The following ALK variants were observed in gnomAD, a reference collection of about 807,000 sequenced individuals.
ALK encodes ALK tyrosine kinase receptor.
A neutral mutation model predicts 163.1 loss-of-function variants in ALK; 74 were observed. The observed-to-expected ratio is 0.45, with a 90% CI of 0.38 to 0.55. The LOEUF is 0.55. ALK is among the 20% of genes least tolerant of loss of function. ALK has a pLI of 0.00. For missense variants in ALK, 2,063 were observed against 2,105.3 expected (o/e 0.98, Z 0.39); for synonymous variants, 960 against 843.2 (o/e 1.14, Z -2.40).
At chr2:29,750,693 A>C (rs57515167) in intron 1 of ALK, among the ~76,000 whole-genome samples, 13,600 of 98,606 alleles carry the variant, frequency 0.14, 1,717 homozygotes, top group African/African-American at 0.35. Context: ...GGAAGGAAGG[A>C]AGGAAGGCAG....
intron 3 of ALK, among the ~76,000 whole-genome samples, chr2:29,585,330 A>G (rs1674850491): frequency 6.9e-6 from 1 of 145,982 alleles, no homozygotes; most frequent in Non-Finnish European, 1.5e-5. Context: ...GTCAGCTATT[A>G]TTACTATTTT....
chr2:29,763,521 T>C (rs1056384832), intron 1 of ALK, among the ~76,000 whole-genome samples: 9 of 152,124 alleles, frequency 5.9e-5, no homozygotes, highest in African/African-American at 1.7e-4. Flanking sequence ...GAGTGCCTCA[T>C]AAATCAGGAA....
chr2:29,791,566 G>A (rs991852626), intron 1 of ALK, among the ~76,000 whole-genome samples: 4 of 152,062 alleles, frequency 2.6e-5, no homozygotes, highest in African/African-American at 9.7e-5. Context: ...ACCATGGCAT[G>A]TGTATACCTA....
At chr2:29,451,852 C>G in intron 4 of ALK, among the ~76,000 whole-genome samples, 1 of 152,144 alleles carries the variant, frequency 6.6e-6, no homozygotes, top group East Asian at 1.9e-4. Context: ...CACACGCAGC[C>G]ACGCTGTCCA....
chr2:29,793,146 C>T (rs1213751461), intron 1 of ALK, among the ~76,000 whole-genome samples: 1 of 152,158 alleles, frequency 6.6e-6, no homozygotes, highest in African/African-American at 2.4e-5. Flanking sequence ...ACAATGTTCA[C>T]AGCATCTTTA....
chr2:29,445,277 T>C (rs1018415341), intron 4 of ALK, among the ~76,000 whole-genome samples: 1 of 152,204 alleles, frequency 6.6e-6, no homozygotes, highest in African/African-American at 2.4e-5. Context: ...AAAGGTCCCA[T>C]GGAGATGCAC....
chr2:29,669,989 C>A (rs1677632842), intron 3 of ALK, among the ~76,000 whole-genome samples: 1 of 151,950 alleles, frequency 6.6e-6, no homozygotes, highest in Non-Finnish European at 1.5e-5. Flanking sequence ...GTTGCTGTAG[C>A]TATTATTGTT....
chr2:29,258,991 CACAT>C lies in ALK; in HGVS notation c.2042-7728_2042-7725del, dbSNP rs61635536. On this transcript the variant is annotated intron_variant, in intron 11 of 28. Coordinates refer to ENST00000389048, the MANE Select transcript of ALK (RefSeq NM_004304.5). ...TATAAACATACATCTATATGAAATA[CACAT>C]ACATATGTATATCACAAGGTACATC... Among the ~76,000 whole-genome samples the C allele has an allele frequency of 9.3e-3, 1,414 of 152,202 alleles. 42 individuals carry two copies. The East Asian group carries it at 0.11, about 12-fold the overall frequency.
At chr2:29,667,226 G>A (rs933567809) in intron 3 of ALK, among the ~76,000 whole-genome samples, 4 of 151,984 alleles carry the variant, frequency 2.6e-5, no homozygotes, top group Admixed American at 2.6e-4. Flanking sequence ...ACATATAGTA[G>A]TTTTATTTTC....
At chr2:29,590,915 C>T (rs1267745908) in intron 3 of ALK, among the ~76,000 whole-genome samples, 1 of 151,198 alleles carries the variant, frequency 6.6e-6, no homozygotes, top group African/African-American at 2.4e-5. Flanking sequence ...ACTAAAAATA[C>T]AAAAAATTAG....
At chr2:29,386,271 G>A (rs991481578) in intron 4 of ALK, among the ~76,000 whole-genome samples, 1 of 152,170 alleles carries the variant, frequency 6.6e-6, no homozygotes, top group African/African-American at 2.4e-5. Context: ...CACAATAGAT[G>A]CTGTAGAAGG....
intron 12 of ALK, among the ~76,000 whole-genome samples, chr2:29,244,232 TC>T (rs1664595239): frequency 1.3e-5 from 2 of 152,154 alleles, no homozygotes; most frequent in African/African-American, 4.8e-5. Flanking sequence ...TGCCTTTAAC[TC>T]CCCGTGGGAT....
At chr2:29,834,302 G>A (rs139518436) in intron 1 of ALK, among the ~76,000 whole-genome samples, 5 of 152,170 alleles carry the variant, frequency 3.3e-5, no homozygotes, top group African/African-American at 1.2e-4. Context: ...GAAAAAAAGT[G>A]AAAAATTCAG....
chr2:29,300,072 C>T (rs1666322203), intron 8 of ALK, among the ~76,000 whole-genome samples: 1 of 152,138 alleles, frequency 6.6e-6, no homozygotes, highest in Non-Finnish European at 1.5e-5. Flanking sequence ...CCAGAGTTTG[C>T]TGGGGCAGAA....
intron 1 of ALK, among the ~76,000 whole-genome samples, chr2:29,893,089 G>A (rs932259758): frequency 6.6e-6 from 1 of 152,136 alleles, no homozygotes; most frequent in Admixed American, 6.6e-5. Context: ...CACTCCTGAT[G>A]TGCTGTTGTC....
At chr2:29,261,408 G>A (rs962786989) in intron 11 of ALK, among the ~76,000 whole-genome samples, 2 of 151,790 alleles carry the variant, frequency 1.3e-5, no homozygotes, top group Non-Finnish European at 2.9e-5. Context: ...AAACTATGCT[G>A]TTACCACCAT....
At chr2:29,420,156 T>A (rs1329088357) in intron 4 of ALK, among the ~76,000 whole-genome samples, 6 of 108,762 alleles carry the variant, frequency 5.5e-5, no homozygotes, top group Non-Finnish European at 8.8e-5. Flanking sequence ...GACCCTGTCT[T>A]AAAAAAAAAA....
At chr2:29,336,904 G>A (rs564603545) in intron 5 of ALK, among the ~76,000 whole-genome samples, 31 of 152,282 alleles carry the variant, frequency 2.0e-4, no homozygotes, top group African/African-American at 7.2e-4. Flanking sequence ...TCAGTGAGAA[G>A]GGGGTCTTGC....
chr2:29,435,113 T>C (rs1470032697), intron 4 of ALK, among the ~76,000 whole-genome samples: 2 of 152,178 alleles, frequency 1.3e-5, no homozygotes, highest in Non-Finnish European at 2.9e-5. Flanking sequence ...TTACCCCTCC[T>C]ACCAGTGTAT....
Sources: allele counts gnomAD v4.1 joint callset (sites outside exome capture counted in the v4.1 genomes callset), GRCh38; gene constraint gnomAD v4.1.1; transcripts MANE v1.5; gene names NCBI Gene and HGNC (gene_info 2026-07-23, HGNC 2026-07-21).